TACC2: variants seen among roughly 807,000 people sequenced by gnomAD.
The protein encoded by TACC2 is transforming acidic coiled-coil-containing protein 2.
TACC2 carries 137 observed loss-of-function variants against 227.3 expected under a neutral mutation model. That is an observed-to-expected ratio of 0.60 (90% CI 0.52 to 0.69). The LOEUF (loss-of-function observed/expected upper bound fraction) is 0.69. TACC2 is among the 30% of genes least tolerant of loss of function. TACC2 has a pLI of 0.00. For synonymous variants in TACC2, 1,523 were observed against 1,487.5 expected, an observed-to-expected ratio of 1.02 and a Z score of -0.55; for missense variants, 3,470 against 3,694.4, an observed-to-expected ratio of 0.94 and a Z score of 1.57.
chr10:122,125,489 C>T (rs921621216), intron 5 of TACC2, among the ~76,000 whole-genome samples: 4 of 152,208 alleles, frequency 2.6e-5, no homozygotes, highest in African/African-American at 9.6e-5. Context: ...CATGAGCCAC[C>T]ATGCCCGTCC....
intron 7 of TACC2, among the ~76,000 whole-genome samples, chr10:122,145,242 T>C (rs2091219158): frequency 6.6e-6 from 1 of 152,228 alleles, no homozygotes; most frequent in Non-Finnish European, 1.5e-5. Flanking sequence ...TTCTTCATAA[T>C]TGCCCCAAAT....
chr10:122,133,754 GC>G (rs2088898666), intron 6 of TACC2, among the ~76,000 whole-genome samples: 1 of 152,280 alleles, frequency 6.6e-6, no homozygotes, highest in African/African-American at 2.4e-5. Context: ...CACCCGTTGT[GC>G]CCCTATGTCA....
At chr10:122,015,194 T>G (rs1475983610) in intron 1 of TACC2, among the ~76,000 whole-genome samples, 2 of 151,644 alleles carry the variant, frequency 1.3e-5, no homozygotes, top group Admixed American at 1.3e-4. Context: ...CTTGGCACAT[T>G]AAAAAAACAA....
At chr10:122,187,903 C>T (rs2094265125) in intron 7 of TACC2, among the ~76,000 whole-genome samples, 1 of 152,008 alleles carries the variant, frequency 6.6e-6, no homozygotes, top group African/African-American at 2.4e-5. Flanking sequence ...TGTGACAGTC[C>T]CAGGGCCTGG....
At chr10:122,120,465 G>A (rs2421004) in intron 5 of TACC2, among the ~76,000 whole-genome samples, 101,216 of 152,066 alleles carry the variant, frequency 0.67, 37,448 homozygotes, top group South Asian at 0.82. Context: ...CACCGCGGGT[G>A]CCCTGGCTGG....
rs1253433266 is a variant in TACC2 at position 122,086,244 on chromosome 10, A to G, written c.3744A>G (p.Ala1248=). The G allele has an allele frequency of 6.2e-7, 1 of 1,613,982 alleles. No homozygotes were observed. The highest frequency in any genetic ancestry group is 2.2e-5 in the East Asian group (1 of 44,884). ...TCGACAGTGCTGCCCAGAGAGGAGC[A>G]GAAGACAGTGGAGTGAAAGCTGTTT... ...LHVDSAAQRG[A]EDSGVKAVSS... The change falls in exon 4 of 23, where the codon GCA becomes GCG. Residue 1248 remains alanine (A), a synonymous_variant. Transcript: ENST00000369005.
intron 1 of TACC2, among the ~76,000 whole-genome samples, chr10:121,997,496 TTA>T (rs1953682292): frequency 6.6e-6 from 1 of 152,156 alleles, no homozygotes; most frequent in South Asian, 2.1e-4. Flanking sequence ...GAATCTACCC[TTA>T]GTCCAATTAG....
chr10:122,039,186 T>C (rs896206244), intron 2 of TACC2, among the ~76,000 whole-genome samples: 1 of 152,074 alleles, frequency 6.6e-6, no homozygotes, highest in Non-Finnish European at 1.5e-5. Flanking sequence ...ATGTTGGCCA[T>C]CCTGGTCTCG....
intron 7 of TACC2, among the ~76,000 whole-genome samples, chr10:122,164,366 C>G (rs2093020572): frequency 6.6e-6 from 1 of 152,176 alleles, no homozygotes; most frequent in Non-Finnish European, 1.5e-5. Context: ...GTGGCAGCTC[C>G]GTGCCCGGGG....
intron 7 of TACC2, chr10:122,192,744 G>C: frequency 2.2e-6 from 1 of 456,708 alleles, no homozygotes; most frequent in South Asian, 1.5e-5. Context: ...GGACAGCGGT[G>C]ACCAGCAGTG....
At chr10:122,207,539 C>G (rs2095161836) in intron 8 of TACC2, among the ~76,000 whole-genome samples, 1 of 152,162 alleles carries the variant, frequency 6.6e-6, no homozygotes, top group East Asian at 1.9e-4. Flanking sequence ...TGTGTGGAGG[C>G]CAGGGATGCT....
At chr10:122,057,138 G>A (rs990614170) in intron 3 of TACC2, among the ~76,000 whole-genome samples, 7 of 152,194 alleles carry the variant, frequency 4.6e-5, no homozygotes, top group Admixed American at 4.6e-4. Flanking sequence ...GTTGCAGTGA[G>A]GTGAGATCAT....
chr10:122,096,569 G>T (rs2081441131), intron 5 of TACC2, among the ~76,000 whole-genome samples: 2 of 152,086 alleles, frequency 1.3e-5, no homozygotes, highest in African/African-American at 4.8e-5. Context: ...GGTGGTGCAT[G>T]CCTATAATCC....
rs1264637332 is a variant in TACC2 at position 122,176,105 on chromosome 10, CTCTCTCTCTCTCTATATATATATATATA to C, written c.5835-18933_5835-18906del. ...TCTCTCTCTCTCTCTCTCTCTCTCTCTCTCTCTCTCTCTATATATATATATATATATATATATATATGAAGATGAAATT... is the reference window on the plus strand; with the variant it reads ...TCTCTCTCTCTCTCTCTCTCTCTCTCTATATATATATATGAAGATGAAATT... On this transcript the variant is annotated intron_variant, in intron 7 of 22. Transcript: ENST00000369005. Among the ~76,000 whole-genome samples, 264 of 73,400 alleles carry C rather than the reference CTCTCTCTCTCTCTATATATATATATATA, an allele frequency of 3.6e-3. 1 individual carries two copies. The highest frequency in any genetic ancestry group is 0.015 in the African/African-American group (234 of 15,290). The allele number at this position is 73,400 out of a possible 152,430, so 48.2% of individuals were successfully genotyped here.
Position 122,226,346 on chromosome 10 carries a change from T to G in TACC2, c.7609-20T>G, listed in dbSNP as rs372700669. On this transcript the variant is annotated intron_variant, in intron 12 of 22. Coordinates refer to ENST00000369005, the MANE Select transcript of TACC2 (RefSeq NM_206862.4). ...CAGGCCAACTGTACCCAAGCTGATA[T>G]GTGATTTTGATCCCTGCAGCAGGAC... 6.3e-7 allele frequency: 1 copy of G among 1,576,786 alleles called. No individual in the cohort carries two copies. Among genetic ancestry groups the G allele is most frequent in the South Asian group, 1.1e-5 (1 of 89,832 alleles).
Position 122,209,092 on chromosome 10 carries a change from G to A in TACC2, c.5972-1305G>A, listed in dbSNP as rs774377939. ...GCATCTGCAGCATGTTTGGGAAATA[G>A]GAGCAACCTCCTTGACTGGCAGGGG... On this transcript the variant is annotated intron_variant, in intron 8 of 22. Coordinates refer to ENST00000369005, the MANE Select transcript of TACC2 (RefSeq NM_206862.4). This position sits in a 1 kb window ranked among gnomAD's most constrained non-coding sequence, Gnocchi z 4.5. 3.3e-5 allele frequency among the ~76,000 whole-genome samples: 5 copies of A among 152,236 alleles called. No individual in the cohort carries two copies. The highest frequency in any genetic ancestry group is 4.8e-5 in the African/African-American group (2 of 41,468).
At chr10:122,225,013 G>A (rs2095598203) in intron 12 of TACC2, among the ~76,000 whole-genome samples, 2 of 150,528 alleles carry the variant, frequency 1.3e-5, no homozygotes, top group African/African-American at 4.9e-5. Context: ...AATACAATTA[G>A]ACGTCCTGCA....
At chr10:122,215,829 T>A (rs2095393128) in intron 10 of TACC2, among the ~76,000 whole-genome samples, 1 of 152,098 alleles carries the variant, frequency 6.6e-6, no homozygotes, top group African/African-American at 2.4e-5. Context: ...AGCACTGAAT[T>A]GTGCAGCCAA....
At chr10:122,138,806 C>T (rs2090088537) in intron 6 of TACC2, among the ~76,000 whole-genome samples, 1 of 152,194 alleles carries the variant, frequency 6.6e-6, no homozygotes, top group Non-Finnish European at 1.5e-5. Flanking sequence ...GAATTTCATA[C>T]GGTTCACACT....
Sources: gnomAD v4.1 joint callset for allele counts (sites outside exome capture counted in the v4.1 genomes callset) on GRCh38, gnomAD v4.1.1 for gene constraint, Gnocchi (gnomAD v3.1) non-coding constraint, MANE v1.5 for transcripts, NCBI Gene and HGNC (gene_info 2026-07-23, HGNC 2026-07-21) for gene names.